CSRNP3: variants seen among roughly 807,000 people sequenced by gnomAD.
CSRNP3 encodes the protein cysteine and serine rich nuclear protein 3, also known as cysteine/serine-rich nuclear protein 3.
In CSRNP3, 12 loss-of-function variants were observed where a neutral mutation model predicts 48.0. The ratio of observed to expected loss-of-function variants is 0.25; its 90% CI spans 0.16 to 0.41. The LOEUF (loss-of-function observed/expected upper bound fraction) is 0.41. Among genes scored for constraint, CSRNP3 ranks in the 10% least tolerant of loss-of-function variants. CSRNP3 has a pLI of 1.00. For synonymous variants in CSRNP3, 263 were observed against 269.7 expected (o/e 0.98, Z 0.24); for missense variants, 580 against 724.4 (o/e 0.80, Z 2.29).
chr2:165,502,841 A>C (rs1019926987), intron 2 of CSRNP3, among the ~76,000 whole-genome samples: 9 of 151,950 alleles, frequency 5.9e-5, no homozygotes, highest in Non-Finnish European at 1.2e-4. Flanking sequence ...TACATAGATT[A>C]ATATGATTAG....
At position 165,687,354 on chromosome 2, in the gene CSRNP3, G is replaced by A. The variant is rs555843682; in HGVS notation, c.*7601G>A. The A allele has an allele frequency of 1.1e-4, 17 of 152,002 alleles. No individual in the cohort carries two copies. Among genetic ancestry groups the A allele is most frequent in the South Asian group, 6.2e-4 (3 of 4,808 alleles). The allele number at this position is 152,002 out of a possible 1,614,324, so 9.4% of individuals were successfully genotyped here. Reference sequence around the variant, plus strand: ...TTGTTTTTGTGATTGCTCTTATGTCGGTAGGTAATGTCAGGAAAAGTGACT... The same window carrying A: ...TTGTTTTTGTGATTGCTCTTATGTCAGTAGGTAATGTCAGGAAAAGTGACT... On this transcript the variant is annotated 3_prime_UTR_variant, in exon 7 of 7. Transcript: ENST00000651982.
At chr2:165,579,775 C>T (rs546487787) in intron 3 of CSRNP3, among the ~76,000 whole-genome samples, 4 of 152,098 alleles carry the variant, frequency 2.6e-5, no homozygotes, top group Non-Finnish European at 4.4e-5. Flanking sequence ...TTGATTTAGT[C>T]GCAACGTTTT....
chr2:165,588,015 T>C (rs1685659248), intron 3 of CSRNP3, among the ~76,000 whole-genome samples: 1 of 152,218 alleles, frequency 6.6e-6, no homozygotes, highest in Non-Finnish European at 1.5e-5. Flanking sequence ...ACTTGAAACA[T>C]TTGTAAAGAA....
intron 3 of CSRNP3, among the ~76,000 whole-genome samples, chr2:165,560,509 G>C (rs992751512): frequency 6.6e-6 from 1 of 152,104 alleles, no homozygotes; most frequent in East Asian, 1.9e-4. Flanking sequence ...GCTAACCCAA[G>C]CTTTACACTA....
In CSRNP3 at chr2:165,486,606, G is replaced by GCAGA. The variant is rs1240823805; in HGVS notation, c.-282-8151_-282-8148dup. 1.5e-4 allele frequency among the ~76,000 whole-genome samples: 13 copies of GCAGA among 89,014 alleles called. No homozygotes were observed. The South Asian group carries it at 2.5e-3, about 17-fold the overall frequency. 58.4% of individuals were successfully genotyped at this position (89,014 alleles called of 152,430 possible). On this transcript the variant is annotated intron_variant, in intron 1 of 6. Coordinates refer to ENST00000651982, the MANE Select transcript of CSRNP3 (RefSeq NM_001172173.2). ...CACGCAGCTGGAGATCTGAGAACGGGCAGACTGCCTCCTCAAGTGGGTCCC... is the reference window on the plus strand; with the variant it reads ...CACGCAGCTGGAGATCTGAGAACGGGCAGACAGACTGCCTCCTCAAGTGGGTCCC...
At chr2:165,532,849 A>G (rs1392338673) in intron 3 of CSRNP3, among the ~76,000 whole-genome samples, 3 of 152,166 alleles carry the variant, frequency 2.0e-5, no homozygotes, top group African/African-American at 7.2e-5. Flanking sequence ...GCTGATAAGC[A>G]ACTTCAGCAA....
intron 1 of CSRNP3, among the ~76,000 whole-genome samples, chr2:165,477,668 CA>C (rs34931649): frequency 6.7e-4 from 86 of 128,798 alleles, no homozygotes; most frequent in Admixed American, 1.3e-3. Flanking sequence ...GACTCCATCT[CA>C]AAAAAAAAAA....
At chr2:165,637,476 A>G (rs1038182430) in intron 4 of CSRNP3, among the ~76,000 whole-genome samples, 1 of 152,198 alleles carries the variant, frequency 6.6e-6, no homozygotes, top group African/African-American at 2.4e-5. Flanking sequence ...ATTAGGTGGT[A>G]TTAGTACTCA....
chr2:165,678,197 T>G (rs961070386), intron 6 of CSRNP3, among the ~76,000 whole-genome samples: 3 of 152,280 alleles, frequency 2.0e-5, no homozygotes, highest in South Asian at 2.1e-4. Flanking sequence ...AAAAGCACCT[T>G]TATAATAAGC....
At chr2:165,606,700 A>G (rs1466190821) in intron 4 of CSRNP3, among the ~76,000 whole-genome samples, 1 of 152,178 alleles carries the variant, frequency 6.6e-6, no homozygotes, top group Non-Finnish European at 1.5e-5. Context: ...CAGTTGGTTC[A>G]TATTATGATA....
At chr2:165,581,775 A>G (rs1287619251) in intron 3 of CSRNP3, among the ~76,000 whole-genome samples, 1 of 152,098 alleles carries the variant, frequency 6.6e-6, no homozygotes, top group African/African-American at 2.4e-5. Context: ...GACCTCAGGC[A>G]ATCCGCCCAC....
In CSRNP3 at chr2:165,679,274, T is replaced by G. The variant is rs752538262; in HGVS notation, c.1279T>G (p.Ser427Ala). ...AVHESHAKNA[S>A]FYANSSTLYY... ...TCACGAAAGCCATGCAAAGAATGCT[T>G]CTTTTTATGCCAACTCTTCAACTCT... The change falls in exon 7 of 7, where the codon TCT becomes GCT. Residue 427 changes from serine (S) to alanine (A), a missense_variant. This residue lies in a region of CSRNP3 where 369 missense variants were observed against 380.8 expected (regional missense o/e 0.97). Coordinates refer to ENST00000651982, the MANE Select transcript of CSRNP3 (RefSeq NM_001172173.2). 26 of 1,613,866 alleles carry G rather than the reference T, an allele frequency of 1.6e-5. No homozygotes were observed. The highest frequency in any genetic ancestry group is 2.0e-5 in the Non-Finnish European group (24 of 1,179,984).
chr2:165,551,817 A>T (rs915204075), intron 3 of CSRNP3, among the ~76,000 whole-genome samples: 1 of 152,216 alleles, frequency 6.6e-6, no homozygotes, highest in African/African-American at 2.4e-5. Flanking sequence ...CTCCAAACAC[A>T]TTTAGGCTGT....
At position 165,512,864 on chromosome 2, in the gene CSRNP3, G is replaced by A. The variant is rs541588692; in HGVS notation, c.-112-5009G>A. ...TCACGCCTGTAATCCCTGCCCTTTG[G>A]GAGGCCAAGGAGGGAGGATCACAAG... On this transcript the variant is annotated intron_variant, in intron 2 of 6. Transcript: ENST00000651982. 3.9e-5 allele frequency among the ~76,000 whole-genome samples: 6 copies of A among 152,362 alleles called. No individual in the cohort carries two copies. The East Asian group carries it at 1.2e-3, about 29-fold the overall frequency.
At chr2:165,650,187 G>T (rs1482274918) in intron 4 of CSRNP3, among the ~76,000 whole-genome samples, 1 of 152,060 alleles carries the variant, frequency 6.6e-6, no homozygotes, top group African/African-American at 2.4e-5. Flanking sequence ...CCTTATTTGA[G>T]CAAATTAAAT....
At chr2:165,584,807 T>G (rs906722651) in intron 3 of CSRNP3, among the ~76,000 whole-genome samples, 4 of 152,190 alleles carry the variant, frequency 2.6e-5, no homozygotes, top group African/African-American at 7.2e-5. Context: ...TGTCCAATCT[T>G]TTGGCTTCCA....
rs144596106 is a variant in CSRNP3 at position 165,679,150 on chromosome 2, C to T, written c.1155C>T (p.Asp385=). 80 of 1,613,668 alleles carry T rather than the reference C, an allele frequency of 5.0e-5. No homozygotes were observed. Among genetic ancestry groups the T allele is most frequent in the African/African-American group, 4.8e-4 (36 of 74,952 alleles). Residue 385 remains aspartate, a synonymous_variant, in exon 7 of 7, where the codon GAC becomes GAT. Transcript: ENST00000651982. The part of the protein sequence containing the change: ...EEEEEEEEED[D]DDDKGDGFVE... ...AAGAGGAAGAGGAGGAGGAGGATGA[C>T]GATGATGACAAAGGAGATGGCTTCG... is the stretch of plus-strand genomic sequence containing the variant.
At chr2:165,558,652 A>G (rs1368476842) in intron 3 of CSRNP3, among the ~76,000 whole-genome samples, 1 of 152,192 alleles carries the variant, frequency 6.6e-6, no homozygotes, top group Non-Finnish European at 1.5e-5. Flanking sequence ...TGATTAGCCA[A>G]ATCACCAGAT....
intron 3 of CSRNP3, among the ~76,000 whole-genome samples, chr2:165,551,235 C>T (rs933251244): frequency 1.3e-5 from 2 of 152,178 alleles, no homozygotes; most frequent in African/African-American, 4.8e-5. Context: ...GACATACTGT[C>T]ACGTGTTCTC....
Sources: allele counts gnomAD v4.1 joint callset (sites outside exome capture counted in the v4.1 genomes callset), GRCh38; gene constraint gnomAD v4.1.1; regional missense constraint gnomAD v4.1.1; transcripts MANE v1.5; gene names NCBI Gene and HGNC (gene_info 2026-07-23, HGNC 2026-07-21).